Variants in PTPN9 observed in about 807,000 individuals in gnomAD.
PTPN9 encodes the protein protein tyrosine phosphatase non-receptor type 9.
A neutral mutation model predicts 69.8 loss-of-function variants in PTPN9; 26 were observed. The observed-to-expected ratio is 0.37, with a 90% CI of 0.27 to 0.52. PTPN9 has a LOEUF of 0.52. Ranked by LOEUF, PTPN9 falls within the 20% of genes least tolerant of loss-of-function variation. PTPN9 has a pLI of 0.91. For synonymous variants in PTPN9, 274 were observed against 272.5 expected, an observed-to-expected ratio of 1.01 and a Z score of -0.05; for missense variants, 549 against 740.3, an observed-to-expected ratio of 0.74 and a Z score of 3.00.
At chr15:75,477,837 T>TC (rs2074604955) in intron 9 of PTPN9, among the ~76,000 whole-genome samples, 1 of 140,432 alleles carries the variant, frequency 7.1e-6, no homozygotes, top group Admixed American at 7.0e-5. Context: ...GATACTCTTT[T>TC]TTTTTTTTTT....
At chr15:75,513,671 G>C (rs1300192128) in intron 5 of PTPN9, among the ~76,000 whole-genome samples, 1 of 151,990 alleles carries the variant, frequency 6.6e-6, no homozygotes, top group Non-Finnish European at 1.5e-5. Flanking sequence ...GGAGGCTGAG[G>C]CAGGAGAATC....
chr15:75,544,892 G>T (rs556567711), intron 1 of PTPN9, among the ~76,000 whole-genome samples: 1 of 152,232 alleles, frequency 6.6e-6, no homozygotes, highest in South Asian at 2.1e-4. Flanking sequence ...GGAAATTGAA[G>T]TTGGCTTTCC....
chr15:75,477,943 CA>C, intron 9 of PTPN9, among the ~76,000 whole-genome samples: 1 of 150,202 alleles, frequency 6.7e-6, no homozygotes, highest in East Asian at 2.0e-4. Flanking sequence ...CAGGTTCAAG[CA>C]ATTCTCCTGC....
chr15:75,568,435 G>A (rs571273138), intron 1 of PTPN9, among the ~76,000 whole-genome samples: 3 of 150,774 alleles, frequency 2.0e-5, no homozygotes, highest in East Asian at 3.9e-4. Context: ...TTGGGCCAGG[G>A]AGGTCAAGGC....
chr15:75,560,342 C>A (rs1263366580), intron 1 of PTPN9, among the ~76,000 whole-genome samples: 1 of 152,104 alleles, frequency 6.6e-6, no homozygotes, highest in East Asian at 1.9e-4. Flanking sequence ...GCTGGCTACA[C>A]CACTTCTAAG....
chr15:75,503,327 G>C (rs1595954696), intron 7 of PTPN9, among the ~76,000 whole-genome samples: 2 of 123,268 alleles, frequency 1.6e-5, no homozygotes, highest in African/African-American at 3.4e-5. Context: ...GCCCGGTCGC[G>C]ACCCCGTCTG....
intron 1 of PTPN9, among the ~76,000 whole-genome samples, chr15:75,559,124 A>C (rs2141339578): frequency 6.7e-6 from 1 of 149,202 alleles, no homozygotes; most frequent in East Asian, 2.0e-4. Flanking sequence ...AGATGTGGGG[A>C]GCGCCTCTGC....
At position 75,465,699 on chromosome 15, in the gene PTPN9, T is replaced by G. The variant is rs2074534074; in HGVS notation, c.*3070A>C. The G allele has an allele frequency of 6.6e-6, 1 of 152,202 alleles. No homozygotes were observed. Among genetic ancestry groups the G allele is most frequent in the South Asian group, 2.1e-4 (1 of 4,828 alleles). 9.4% of individuals were successfully genotyped at this position (152,202 alleles called of 1,614,324 possible). A position where few individuals can be genotyped will look rare whatever the true frequency, so the allele number is the denominator to read the frequency against. ...ATCCTGTCACTCACTAACAACCTAC[T>G]GGATGGGCCCAGAAATCAGCATTTT... On this transcript the variant is annotated 3_prime_UTR_variant, in exon 13 of 13. Coordinates refer to ENST00000618819, the MANE Select transcript of PTPN9 (RefSeq NM_002833.4).
intron 6 of PTPN9, among the ~76,000 whole-genome samples, chr15:75,507,834 G>C (rs1189915637): frequency 2.0e-5 from 3 of 151,928 alleles, no homozygotes. Flanking sequence ...CATGAGGTCA[G>C]GAGTTCGAGA....
intron 4 of PTPN9, among the ~76,000 whole-genome samples, chr15:75,519,319 G>C (rs922736882): frequency 3.9e-5 from 6 of 152,184 alleles, no homozygotes; most frequent in Non-Finnish European, 8.8e-5. Context: ...TGGCCAGGCT[G>C]GTCTCGAACT....
rs1360194470 is a variant in PTPN9 at position 75,537,442 on chromosome 15, CTAAAAAAAAA to C, written c.64-10191_64-10182del. Among the ~76,000 whole-genome samples the C allele has an allele frequency of 6.0e-5, 3 of 49,738 alleles. No individual in the cohort carries two copies. The Admixed American group carries it at 7.7e-4, about 13-fold the overall frequency. The allele number at this position is 49,738 out of a possible 152,430, so 32.6% of individuals were successfully genotyped here. A position where few individuals can be genotyped will look rare whatever the true frequency, so the allele number is the denominator to read the frequency against. On this transcript the variant is annotated intron_variant, in intron 1 of 12. Coordinates refer to ENST00000618819, the MANE Select transcript of PTPN9 (RefSeq NM_002833.4). ...CAAGAGGAATCGTCAAATATCTTCC[CTAAAAAAAAA>C]AAAAAAAAAAAAAAAAAAAGGCCAG...
At chr15:75,550,441 C>T (rs1299772159) in intron 1 of PTPN9, among the ~76,000 whole-genome samples, 7 of 148,008 alleles carry the variant, frequency 4.7e-5, no homozygotes, top group Non-Finnish European at 8.9e-5. Flanking sequence ...GCTGGGATTA[C>T]AGGCGTGAGC....
At chr15:75,483,204 T>C (rs899308153) in intron 8 of PTPN9, among the ~76,000 whole-genome samples, 2 of 152,204 alleles carry the variant, frequency 1.3e-5, no homozygotes, top group African/African-American at 2.4e-5. Flanking sequence ...ACAGTTACCA[T>C]ATGACCCAGC....
At chr15:75,563,407 C>G (rs1478576322) in intron 1 of PTPN9, among the ~76,000 whole-genome samples, 1 of 152,176 alleles carries the variant, frequency 6.6e-6, no homozygotes, top group Non-Finnish European at 1.5e-5. Context: ...AGGTTAGTCT[C>G]AAACTCTTGA....
intron 7 of PTPN9, among the ~76,000 whole-genome samples, chr15:75,497,992 C>A (rs986211847): frequency 3.3e-5 from 5 of 149,300 alleles, no homozygotes; most frequent in Admixed American, 6.7e-5. Context: ...GAGTTGGAGA[C>A]CAGCCTAGTC....
intron 9 of PTPN9, among the ~76,000 whole-genome samples, chr15:75,474,943 C>T (rs574163733): frequency 1.7e-3 from 256 of 152,286 alleles, no homozygotes; most frequent in African/African-American, 5.8e-3. Context: ...AAGCTGTCTC[C>T]GTCACCTCCA....
At chr15:75,520,506 G>A (rs949924253) in intron 4 of PTPN9, among the ~76,000 whole-genome samples, 2 of 151,454 alleles carry the variant, frequency 1.3e-5, no homozygotes, top group African/African-American at 2.4e-5. Flanking sequence ...ATATATGTGT[G>A]TATATATATA....
At chr15:75,491,148 A>T (rs986417552) in intron 7 of PTPN9, among the ~76,000 whole-genome samples, 1 of 151,050 alleles carries the variant, frequency 6.6e-6, no homozygotes, top group Non-Finnish European at 1.5e-5. Context: ...CATGCCTGTA[A>T]TCCCAGCACT....
chr15:75,511,860 T>A (rs1025155915), intron 5 of PTPN9, among the ~76,000 whole-genome samples: 7 of 138,174 alleles, frequency 5.1e-5, no homozygotes, highest in Admixed American at 1.5e-4. Flanking sequence ...TTTTTGAGAC[T>A]CACTTTAATA....
Sources: gnomAD v4.1 joint callset for allele counts (sites outside exome capture counted in the v4.1 genomes callset) on GRCh38, gnomAD v4.1.1 for gene constraint, MANE v1.5 for transcripts, NCBI Gene and HGNC (gene_info 2026-07-23, HGNC 2026-07-21) for gene names.